The following SGSH variants were observed in gnomAD, a reference collection of about 807,000 sequenced individuals.
SGSH encodes the protein N-sulfoglucosamine sulfohydrolase.
In SGSH, 48 loss-of-function variants were observed where a neutral mutation model predicts 51.0. The ratio of observed to expected loss-of-function variants is 0.94; its 90% CI spans 0.75 to 1.20. The LOEUF (loss-of-function observed/expected upper bound fraction) is 1.20. Ranked by LOEUF, SGSH falls within the 50% of genes most tolerant of loss-of-function variation. The probability of loss-of-function intolerance (pLI) is 0.00; values close to 1 mark genes in which losing one functional copy is unlikely to be tolerated. For synonymous variants in SGSH, 321 were observed against 313.4 expected (o/e 1.02, Z -0.26); for missense variants, 662 against 717.8 (o/e 0.92, Z 0.89).
chr17:80,219,916 AG>A (rs2042075952), intron 1 of SGSH: 1 of 318,744 alleles, frequency 3.1e-6, no homozygotes. Context: ...CCCTCCCAAG[AG>A]GGATTTGAGA....
chr17:80,202,328 GT>G (rs751841054), downstream of SGSH: 1 of 1,613,678 alleles, frequency 6.2e-7, no homozygotes, highest in Admixed American at 1.7e-5. Context: ...CCGACACCAT[GT>G]TCCAGGGCTG....
intron 3 of SGSH, 68 bp downstream of exon 3, chr17:80,214,965 A>G: frequency 6.9e-7 from 1 of 1,447,038 alleles, no homozygotes; most frequent in South Asian, 1.2e-5. Flanking sequence ...CAAGGTGCCG[A>G]ACCTCCTGGG....
At chr17:80,215,223 C>G (rs556332559) in intron 2 of SGSH, 85 bp from the exon 3 acceptor site, 1 of 959,404 alleles carries the variant, frequency 1.0e-6, no homozygotes, top group African/African-American at 1.6e-5. Context: ...CCCTCCCATC[C>G]CCAGGGGCCT....
At position 80,213,914 on chromosome 17, in the gene SGSH, A is replaced by G. The variant is rs2041776870; in HGVS notation, c.664-29T>C. The G allele has an allele frequency of 1.9e-6, 3 of 1,569,034 alleles. No homozygotes were observed. Reference sequence around the variant, plus strand: ...GGGCAGGCGGTGGGGAGCCAGGCTTAGAACAGACAGACCGGGGGAGCGGTG... The same window carrying G: ...GGGCAGGCGGTGGGGAGCCAGGCTTGGAACAGACAGACCGGGGGAGCGGTG... On this transcript the variant is annotated intron_variant, in intron 5 of 7. Coordinates refer to ENST00000326317, the MANE Select transcript of SGSH (RefSeq NM_000199.5). This position sits in a 1 kb window ranked among gnomAD's most constrained non-coding sequence, Gnocchi z 4.6.
At chr17:80,206,404 AG>A (rs2041310744), downstream of SGSH, among the ~76,000 whole-genome samples, 1 of 152,276 alleles carries the variant, frequency 6.6e-6, no homozygotes. Flanking sequence ...GCTTGAGCCC[AG>A]GAATTTGAGA....
chr17:80,215,845 T>C (rs1293533612), intron 2 of SGSH, among the ~76,000 whole-genome samples: 1 of 152,064 alleles, frequency 6.6e-6, no homozygotes, highest in Admixed American at 6.5e-5. Flanking sequence ...CCCATGTTCA[T>C]AGCAGCTTTA....
Position 80,210,958 on chromosome 17 carries a change from T to C in SGSH, c.1003A>G (p.Ile335Val). The change falls in exon 8 of 8, where the codon ATC becomes GTC. Residue 335 changes from isoleucine to valine, a missense_variant. Physicochemically the swap from Ile to Val is conservative, Grantham distance 29 (BLOSUM62 3). Coordinates refer to ENST00000326317, the MANE Select transcript of SGSH (RefSeq NM_000199.5). ...AGGTGGATGGTCTTCGAGCCAAAGA[T>C]GGCGTAGCTGGGGTACGGGATCGAG... ...WFSIPYPSYA[I>V]FGSKTIHLTG... The C allele has an allele frequency of 6.2e-7, 1 of 1,602,338 alleles. No individual in the cohort carries two copies. Among genetic ancestry groups the C allele is most frequent in the Non-Finnish European group, 8.5e-7 (1 of 1,179,858 alleles).
chr17:80,202,149 C>G, downstream of SGSH: 1 of 1,573,270 alleles, frequency 6.4e-7, no homozygotes, highest in Non-Finnish European at 8.7e-7. Context: ...GTATCTGTGG[C>G]TCATCTGTGG....
intron 2 of SGSH, 128 bp from the exon 3 acceptor site, chr17:80,215,266 A>G: frequency 1.4e-6 from 1 of 715,048 alleles, no homozygotes; most frequent in Non-Finnish European, 2.5e-6. Context: ...TCGAGTGGCC[A>G]GCACCCAGAG....
intron 1 of SGSH, among the ~76,000 whole-genome samples, chr17:80,218,903 G>A (rs1304100307): frequency 1.3e-5 from 2 of 152,082 alleles, no homozygotes; most frequent in African/African-American, 2.4e-5. Flanking sequence ...TTTCATGCCC[G>A]TAAGCCCAGC....
downstream of SGSH, chr17:80,206,931 C>A: frequency 6.6e-7 from 1 of 1,504,820 alleles, no homozygotes; most frequent in Non-Finnish European, 9.2e-7. Flanking sequence ...CCTCTGAGGC[C>A]TGTGATCTTG....
rs1047935424 is a variant in SGSH at position 80,210,636 on chromosome 17, C to A, written c.1325G>T (p.Ser442Ile). The A allele has an allele frequency of 6.2e-7, 1 of 1,613,910 alleles. No homozygotes were observed. Among genetic ancestry groups the A allele is most frequent in the Non-Finnish European group, 8.5e-7 (1 of 1,180,034 alleles). ...GTTCTGGGTCTCGTGGGGGTCCCGG[C>A]TCCGGTCGTAGAGCTCCCAGCGCGC... is the stretch of plus-strand genomic sequence containing the variant. ...YRARWELYDR[S>I]RDPHETQNLA... The change falls in exon 8 of 8, where the codon AGC becomes ATC. Residue 442 changes from serine to isoleucine, a missense_variant. By Grantham distance (142) the Ser-to-Ile change is moderately radical. Transcript: ENST00000326317.
Position 80,209,813 on chromosome 17 carries a change from G to A in SGSH, c.*639C>T. 1.0e-6 allele frequency: 1 copy of A among 987,792 alleles called. No homozygotes were observed. The highest frequency in any genetic ancestry group is 1.2e-6 in the Non-Finnish European group (1 of 831,536). The allele number at this position is 987,792 out of a possible 1,614,324, so 61.2% of individuals were successfully genotyped here. On this transcript the variant is annotated 3_prime_UTR_variant, in exon 8 of 8. Transcript: ENST00000326317. ...ACCACAGGTTCAAGCTCATCACTCA[G>A]GGAGCCTGCTGCCAATCAGCTGAAA... is the stretch of plus-strand genomic sequence containing the variant.
At chr17:80,215,397 G>A (rs984693788) in intron 2 of SGSH, among the ~76,000 whole-genome samples, 2 of 152,354 alleles carry the variant, frequency 1.3e-5, no homozygotes, top group African/African-American at 2.4e-5. Context: ...TGGCCTTGAT[G>A]TTCTTTTTGC....
Position 80,210,751 on chromosome 17 carries a change from C to G in SGSH, c.1210G>C (p.Val404Leu). 6.2e-7 allele frequency: 1 copy of G among 1,613,994 alleles called. No homozygotes were observed. The highest frequency in any genetic ancestry group is 8.5e-7 in the Non-Finnish European group (1 of 1,180,030). Reference sequence around the variant, plus strand: ...AGGAGGTCCTGGAAGGTGGGTGAGACGTAGAAGTCCTGGTCGATGGGAAAG... The same window carrying G: ...AGGAGGTCCTGGAAGGTGGGTGAGAGGTAGAAGTCCTGGTCGATGGGAAAG... ...MPFPIDQDFY[V>L]SPTFQDLLNR... The change falls in exon 8 of 8, where the codon GTC becomes CTC. Residue 404 changes from valine (V) to leucine (L), a missense_variant. Transcript: ENST00000326317.
chr17:80,203,475 T>G, downstream of SGSH: 1 of 241,904 alleles, frequency 4.1e-6, no homozygotes. The surrounding 1 kb of genome is among the most constrained non-coding windows in gnomAD (Gnocchi z 4.6). Flanking sequence ...AACAGCTCTC[T>G]CGGTGACTCC....
downstream of SGSH, chr17:80,207,171 C>A: frequency 1.1e-6 from 1 of 924,702 alleles, no homozygotes; most frequent in South Asian, 1.6e-5. Flanking sequence ...CTGGAGTGTG[C>A]TCTGCGGTTT....
chr17:80,211,301 G>A (rs572037999), intron 7 of SGSH: 1 of 699,230 alleles, frequency 1.4e-6, no homozygotes, highest in Non-Finnish European at 2.2e-6. Flanking sequence ...AGCCCCTGTG[G>A]TGGGTGTGGC....
downstream of SGSH, chr17:80,204,527 G>A (rs928703088): frequency 5.6e-6 from 3 of 536,958 alleles, no homozygotes; most frequent in African/African-American, 5.7e-5. Context: ...GGGAGGCTGA[G>A]GCAGGAGAAT....
Sources: allele counts gnomAD v4.1 joint callset (sites outside exome capture counted in the v4.1 genomes callset), GRCh38; gene constraint gnomAD v4.1.1; non-coding constraint Gnocchi (gnomAD v3.1); transcripts MANE v1.5; gene names NCBI Gene and HGNC (gene_info 2026-07-23, HGNC 2026-07-21).